Variants in SCG3 observed in about 807,000 individuals in gnomAD.
SCG3 encodes the protein secretogranin III, also known as secretogranin-3.
SCG3 carries 38 observed loss-of-function variants against 56.2 expected under a neutral mutation model. That is an observed-to-expected ratio of 0.68 (90% CI 0.52 to 0.89). The LOEUF is 0.89. SCG3 is among the 40% of genes least tolerant of loss of function. The pLI is 0.00. For missense variants in SCG3, 524 were observed against 540.7 expected (o/e 0.97, Z 0.31); for synonymous variants, 176 against 184.2 (o/e 0.96, Z 0.36).
chr15:51,696,866 C>T (rs935248482), intron 8 of SCG3, among the ~76,000 whole-genome samples: 10 of 152,134 alleles, frequency 6.6e-5, no homozygotes, highest in Admixed American at 1.3e-4. Flanking sequence ...CCAGGCCCCA[C>T]CTCCAACACT....
At chr15:51,711,155 G>C (rs2055418163) in intron 10 of SCG3, among the ~76,000 whole-genome samples, 1 of 152,210 alleles carries the variant, frequency 6.6e-6, no homozygotes, top group Non-Finnish European at 1.5e-5. Context: ...CTGATGCATT[G>C]ATCTACCCAT....
chr15:51,704,764 C>CATAT (rs56192434), intron 10 of SCG3, among the ~76,000 whole-genome samples: 5,715 of 66,780 alleles, frequency 0.086, 698 homozygotes, highest in Middle Eastern at 0.12. Context: ...GTGAGTAATA[C>CATAT]ATATATATAT....
rs535582230 is a variant in SCG3 at position 51,697,710 on chromosome 15, GTGTT to G, written c.986-1605_986-1602del. 8.5e-5 allele frequency among the ~76,000 whole-genome samples: 13 copies of G among 152,108 alleles called. No individual in the cohort carries two copies. The South Asian group carries it at 2.7e-3, about 32-fold the overall frequency. On this transcript the variant is annotated intron_variant, in intron 8 of 11. Transcript: ENST00000220478. The stretch of plus-strand genomic sequence containing the variant: ...ATAGACTATTTAAATTTTATTCTAA[GTGTT>G]TGTGTTTTTAAATAATTATATCTGC...
intron 10 of SCG3, among the ~76,000 whole-genome samples, chr15:51,709,725 T>TTTTTA (rs1567222414): frequency 1.8e-5 from 1 of 57,008 alleles, no homozygotes; most frequent in African/African-American, 7.1e-5. Context: ...TTTTTTTTTT[T>TTTTTA]TTTTTTTTTT....
At chr15:51,714,162 G>T (rs898102929) in intron 11 of SCG3, among the ~76,000 whole-genome samples, 1 of 152,188 alleles carries the variant, frequency 6.6e-6, no homozygotes, top group African/African-American at 2.4e-5. Context: ...CAGGAACAGT[G>T]GATGTTTGTG....
rs952514872 is a variant in SCG3 at position 51,720,242 on chromosome 15, A to G, written c.*716A>G. On this transcript the variant is annotated 3_prime_UTR_variant, in exon 12 of 12. Coordinates refer to ENST00000220478, the MANE Select transcript of SCG3 (RefSeq NM_013243.4). ...TGAGGTCATAAACACTGCATAAAGC[A>G]AGGCAAAAATGTATGCCACATCTCA... 2 of 152,296 alleles carry G rather than the reference A, an allele frequency of 1.3e-5. No individual in the cohort carries two copies. The highest frequency in any genetic ancestry group is 2.9e-5 in the Non-Finnish European group (2 of 68,062). The allele number at this position is 152,296 out of a possible 1,614,324, so 9.4% of individuals were successfully genotyped here. A position where few individuals can be genotyped will look rare whatever the true frequency, so the allele number is the denominator to read the frequency against.
intron 1 of SCG3, among the ~76,000 whole-genome samples, chr15:51,682,187 T>C (rs1374520386): frequency 1.1e-4 from 17 of 152,234 alleles, no homozygotes; most frequent in Admixed American, 8.5e-4. Context: ...GCTTTTAGTG[T>C]GCCAATAATA....
At chr15:51,698,435 T>G (rs1022781573) in intron 8 of SCG3, among the ~76,000 whole-genome samples, 1 of 152,224 alleles carries the variant, frequency 6.6e-6, no homozygotes, top group African/African-American at 2.4e-5. Flanking sequence ...GAGTGCAGCT[T>G]AATTTAAGTA....
intron 4 of SCG3, 146 bp from the exon 5 acceptor site, chr15:51,688,113 CG>C (rs1289925878): frequency 1.9e-5 from 14 of 720,830 alleles, no homozygotes; most frequent in Non-Finnish European, 2.8e-5. Context: ...TATTTCAAAC[CG>C]AGGGTTTCTG....
At chr15:51,699,726 TCTC>T (rs996118178) in intron 9 of SCG3, among the ~76,000 whole-genome samples, 2 of 152,106 alleles carry the variant, frequency 1.3e-5, no homozygotes, top group African/African-American at 4.8e-5. Flanking sequence ...AGGTATCTTC[TCTC>T]CCTAGATAAT....
intron 4 of SCG3, among the ~76,000 whole-genome samples, chr15:51,687,259 C>A (rs988418762): frequency 6.6e-6 from 1 of 152,156 alleles, no homozygotes; most frequent in Non-Finnish European, 1.5e-5. Flanking sequence ...TTGTTAGACT[C>A]CTTTACAGTG....
At chr15:51,709,382 G>C (rs1191152300) in intron 10 of SCG3, among the ~76,000 whole-genome samples, 1 of 151,892 alleles carries the variant, frequency 6.6e-6, no homozygotes, top group Non-Finnish European at 1.5e-5. Context: ...AACCATATCA[G>C]ACCCTTACTT....
At chr15:51,717,223 C>T (rs967876922) in intron 11 of SCG3, among the ~76,000 whole-genome samples, 6 of 152,154 alleles carry the variant, frequency 3.9e-5, no homozygotes, top group African/African-American at 1.4e-4. Context: ...CAAAAATTAG[C>T]TGGGCGTGGT....
At chr15:51,688,663 C>A (rs1259100031) in intron 5 of SCG3, among the ~76,000 whole-genome samples, 1 of 152,102 alleles carries the variant, frequency 6.6e-6, no homozygotes, top group Non-Finnish European at 1.5e-5. Flanking sequence ...TTATATCCAA[C>A]TGGCAGTAAG....
Position 51,701,310 on chromosome 15 carries a change from G to A in SCG3, c.1207+66G>A, listed in dbSNP as rs142385423. The A allele has an allele frequency of 3.6e-4, 529 of 1,484,502 alleles. 3 individuals carry two copies. The African/African-American group carries it at 6.1e-3, about 17-fold the overall frequency. The allele number at this position is 1,484,502 out of a possible 1,614,324, so 92.0% of individuals were successfully genotyped here. A position where few individuals can be genotyped will look rare whatever the true frequency, so the allele number is the denominator to read the frequency against. ...AAGCAAAAGCTTTCACCACACAAGGGAGGGTGATCCAAAGAGCAAGCTCCA... is the reference window on the plus strand; with the variant it reads ...AAGCAAAAGCTTTCACCACACAAGGAAGGGTGATCCAAAGAGCAAGCTCCA... On this transcript the variant is annotated intron_variant, in intron 10 of 11. Coordinates refer to ENST00000220478, the MANE Select transcript of SCG3 (RefSeq NM_013243.4).
Position 51,682,531 on chromosome 15 carries a change from A to C in SCG3, c.97A>C (p.Asn33His), listed in dbSNP as rs767273685. Residue 33 changes from asparagine (N) to histidine (H), a missense_variant, in exon 2 of 12, where the codon AAT (asparagine) becomes CAT (histidine). By Grantham distance (68) the Asn-to-His change is moderately conservative. Transcript: ENST00000220478. ...PGGSQDKSLH[N>H]RELSAERPLN... ...GTTTATTCTAGACAAATCTCTACAT[A>C]ATAGAGAATTAAGTGCAGAAAGACC... The C allele has an allele frequency of 1.3e-5, 19 of 1,449,712 alleles. No homozygotes were observed. Among genetic ancestry groups the C allele is most frequent in the Admixed American group, 7.5e-5 (3 of 39,912 alleles). The allele number at this position is 1,449,712 out of a possible 1,614,324, so 89.8% of individuals were successfully genotyped here.
In SCG3 at chr15:51,720,974, C is replaced by G. The variant is rs1133883; in HGVS notation, c.*1448C>G. ...GCAGCAACCTGTTCAGGTCGCCTGC[C>G]GCTGTGGAAGCTTTGTCCTTTTGCT... is the stretch of plus-strand genomic sequence containing the variant. On this transcript the variant is annotated 3_prime_UTR_variant, in exon 12 of 12. Coordinates refer to ENST00000220478, the MANE Select transcript of SCG3 (RefSeq NM_013243.4). 13 of 154,688 alleles carry G rather than the reference C, an allele frequency of 8.4e-5. No homozygotes were observed. The highest frequency in any genetic ancestry group is 3.1e-4 in the African/African-American group (13 of 41,412). The allele number at this position is 154,688 out of a possible 1,614,324, so 9.6% of individuals were successfully genotyped here.
chr15:51,694,285 G>A (rs2141565461), intron 7 of SCG3, among the ~76,000 whole-genome samples: 1 of 151,772 alleles, frequency 6.6e-6, no homozygotes, highest in East Asian at 2.0e-4. Flanking sequence ...GCAGAACATA[G>A]CTTCATGTGA....
chr15:51,683,145 T>G, intron 3 of SCG3, 21 bp downstream of exon 3: 3 of 1,603,610 alleles, frequency 1.9e-6, no homozygotes, highest in Non-Finnish European at 2.6e-6. Flanking sequence ...ATCATATTGA[T>G]GTTAATTTAA....
Sources: allele counts gnomAD v4.1 joint callset (sites outside exome capture counted in the v4.1 genomes callset), GRCh38; gene constraint gnomAD v4.1.1; transcripts MANE v1.5; gene names NCBI Gene and HGNC (gene_info 2026-07-23, HGNC 2026-07-21).